Variants in UNC13C observed in about 807,000 individuals in gnomAD.
UNC13C encodes protein unc-13 homolog C.
In UNC13C, 174 loss-of-function variants were observed where a neutral mutation model predicts 245.4. The ratio of observed to expected loss-of-function variants is 0.71; its 90% CI spans 0.63 to 0.80. The LOEUF (loss-of-function observed/expected upper bound fraction) is 0.80, where lower values mean the gene tolerates loss of function less well. UNC13C is among the 30% of genes least tolerant of loss of function. The pLI is 0.00. For missense variants in UNC13C, 2,829 were observed against 2,602.9 expected (o/e 1.09, Z -1.89); for synonymous variants, 992 against 895.1 (o/e 1.11, Z -1.93).
chr15:54,131,596 A>G (rs1651142049), intron 2 of UNC13C, among the ~76,000 whole-genome samples: 1 of 152,172 alleles, frequency 6.6e-6, no homozygotes, highest in Non-Finnish European at 1.5e-5. Context: ...TTCATGCTGT[A>G]TACACTATCC....
intron 2 of UNC13C, among the ~76,000 whole-genome samples, chr15:54,057,759 G>A (rs1033954639): frequency 1.3e-5 from 2 of 152,122 alleles, no homozygotes; most frequent in South Asian, 2.1e-4. Flanking sequence ...ATAACAAACT[G>A]TCTCTCAGAC....
intron 4 of UNC13C, among the ~76,000 whole-genome samples, chr15:54,227,961 G>T (rs915120270): frequency 6.6e-6 from 1 of 152,168 alleles, no homozygotes; most frequent in East Asian, 1.9e-4. Context: ...CTCATTGCTG[G>T]TGGGTCCAGA....
intron 4 of UNC13C, among the ~76,000 whole-genome samples, chr15:54,187,532 C>T (rs1029781205): frequency 5.3e-5 from 8 of 152,100 alleles, no homozygotes; most frequent in African/African-American, 1.7e-4. Context: ...TACAGCTGGC[C>T]CATTGTCTCT....
chr15:54,187,935 A>T (rs1298806122), intron 4 of UNC13C, among the ~76,000 whole-genome samples: 1 of 151,936 alleles, frequency 6.6e-6, no homozygotes, highest in Non-Finnish European at 1.5e-5. Flanking sequence ...TCAGTCTCCC[A>T]AGTAGCTGGG....
At chr15:54,007,723 C>G (rs957860972) in intron 1 of UNC13C, among the ~76,000 whole-genome samples, 2 of 152,130 alleles carry the variant, frequency 1.3e-5, no homozygotes, top group African/African-American at 4.8e-5. Flanking sequence ...ACACATTTAT[C>G]TATGTAACAA....
chr15:53,931,735 G>A, the UNC13C span, among the ~76,000 whole-genome samples: 1 of 152,078 alleles, frequency 6.6e-6, no homozygotes, highest in Non-Finnish European at 1.5e-5. Context: ...TCTTAAAAAG[G>A]GGTGAAATCA....
intron 4 of UNC13C, among the ~76,000 whole-genome samples, chr15:54,224,799 A>T (rs1317484212): frequency 6.6e-6 from 1 of 152,042 alleles, no homozygotes; most frequent in Non-Finnish European, 1.5e-5. Context: ...GCTCAGAGGC[A>T]CTTTATTGCA....
At chr15:54,012,581 C>T (rs186145529) in intron 1 of UNC13C, among the ~76,000 whole-genome samples, 67 bp from the exon 2 acceptor site, 6 of 152,236 alleles carry the variant, frequency 3.9e-5, no homozygotes, top group Non-Finnish European at 2.9e-5. Flanking sequence ...ACTTTTGAAA[C>T]GTGTTGGAAA....
At chr15:53,971,668 A>T in the UNC13C span, among the ~76,000 whole-genome samples, 1 of 152,190 alleles carries the variant, frequency 6.6e-6, no homozygotes, top group South Asian at 2.1e-4. Context: ...TAAAAAGTAT[A>T]CTTTCTTTTA....
chr15:54,014,968 G>C lies in UNC13C; in HGVS notation c.2065G>C (p.Asp689His). 6.2e-7 allele frequency: 1 copy of C among 1,613,776 alleles called. No individual in the cohort carries two copies. The highest frequency in any genetic ancestry group is 8.5e-7 in the Non-Finnish European group (1 of 1,179,836). ...AAACAGTCTTTTTGACCAACAGCTT[G>C]ATGTTTACAATAAAGACCTAGAATA... ...ETNSLFDQQL[D>H]VYNKDLEYLG... The change falls in exon 2 of 33, where the codon GAT (aspartate) becomes CAT (histidine). Residue 689 changes from aspartate to histidine, a missense_variant. Transcript: ENST00000260323.
intron 19 of UNC13C, among the ~76,000 whole-genome samples, chr15:54,449,019 C>T (rs995622014): frequency 6.6e-6 from 1 of 152,158 alleles, no homozygotes; most frequent in African/African-American, 2.4e-5. Context: ...GATTTTATTT[C>T]TCCTTCATTT....
intron 1 of UNC13C, among the ~76,000 whole-genome samples, chr15:54,006,752 C>A (rs1172197370): frequency 6.6e-6 from 1 of 152,238 alleles, no homozygotes; most frequent in Non-Finnish European, 1.5e-5. Context: ...TCCACCTCGA[C>A]ATGCTCCCCT....
chr15:54,229,733 C>T (rs1375878222), intron 4 of UNC13C, among the ~76,000 whole-genome samples: 3 of 152,060 alleles, frequency 2.0e-5, no homozygotes, highest in African/African-American at 7.2e-5. Flanking sequence ...CTCATTCCTC[C>T]TGTGTAACTA....
chr15:54,015,871 A>G lies in UNC13C; in HGVS notation c.2968A>G (p.Lys990Glu). The change falls in exon 2 of 33, where the codon AAG becomes GAG. Residue 990 changes from lysine (K) to glutamate (E), a missense_variant. Lys to Glu is a moderately conservative substitution (Grantham distance 56, BLOSUM62 1). Coordinates refer to ENST00000260323, the MANE Select transcript of UNC13C (RefSeq NM_001080534.3). ...AAAGCAAATGGCAGAGTTGGAAGAG[A>G]AGATCTTGGCTGGAGGTATTCATGT... Reference protein sequence around the residue: ...YKKQMAELEEKILAGDSSSVD... With the variant: ...YKKQMAELEEEILAGDSSSVD... 6.3e-7 allele frequency: 1 copy of G among 1,591,358 alleles called. No individual in the cohort carries two copies. Among genetic ancestry groups the G allele is most frequent in the Non-Finnish European group, 8.5e-7 (1 of 1,170,468 alleles).
chr15:54,109,688 T>G (rs1425394505), intron 2 of UNC13C, among the ~76,000 whole-genome samples: 1 of 152,114 alleles, frequency 6.6e-6, no homozygotes, highest in East Asian at 1.9e-4. Flanking sequence ...TTCACAACTT[T>G]ATTCAGAATA....
chr15:54,469,540 A>C (rs1275078452), intron 19 of UNC13C, among the ~76,000 whole-genome samples: 1 of 151,530 alleles, frequency 6.6e-6, no homozygotes, highest in Non-Finnish European at 1.5e-5. Flanking sequence ...CCTTATCTAA[A>C]ATGGCTCAAT....
chr15:54,508,477 T>A (rs1894583041), intron 23 of UNC13C, among the ~76,000 whole-genome samples: 1 of 152,174 alleles, frequency 6.6e-6, no homozygotes, highest in Non-Finnish European at 1.5e-5. Context: ...TATTATTCTA[T>A]GTACTCTTTC....
intron 4 of UNC13C, among the ~76,000 whole-genome samples, chr15:54,158,466 C>T (rs1366703478): frequency 6.6e-6 from 1 of 151,920 alleles, no homozygotes; most frequent in Non-Finnish European, 1.5e-5. Flanking sequence ...GCTACAGGCG[C>T]CCGCCACCAT....
intron 30 of UNC13C, among the ~76,000 whole-genome samples, chr15:54,621,751 G>A (rs759248897): frequency 2.0e-5 from 3 of 152,140 alleles, no homozygotes; most frequent in South Asian, 2.1e-4. Context: ...TATCTGAACC[G>A]AAATCACAGG....
Sources: allele counts gnomAD v4.1 joint callset (sites outside exome capture counted in the v4.1 genomes callset), GRCh38; gene constraint gnomAD v4.1.1; transcripts MANE v1.5; gene names NCBI Gene and HGNC (gene_info 2026-07-23, HGNC 2026-07-21).